Variants in GNPTAB observed in about 807,000 individuals in gnomAD.
GNPTAB encodes N-acetylglucosamine-1-phosphotransferase subunits alpha/beta.
Under a neutral mutation model 136.6 loss-of-function variants are expected in GNPTAB, and 92 were observed. That is an observed-to-expected ratio of 0.67 (90% confidence interval 0.57 to 0.80). The LOEUF (loss-of-function observed/expected upper bound fraction) is 0.80. Among genes scored for constraint, GNPTAB ranks in the 30% least tolerant of loss-of-function variants. The probability of loss-of-function intolerance (pLI) is 0.00; values close to 1 mark genes in which losing one functional copy is unlikely to be tolerated. For synonymous variants in GNPTAB, 512 were observed against 535.1 expected (o/e 0.96, Z 0.60); for missense variants, 1,343 against 1,501.8 (o/e 0.89, Z 1.75).
At chr12:101,785,435 GTCTTGAACTCC>G (rs1868580709) in intron 5 of GNPTAB, among the ~76,000 whole-genome samples, 1 of 152,118 alleles carries the variant, frequency 6.6e-6, no homozygotes. Context: ...GCCCAGGCTG[GTCTTGAACTCC>G]TTAGGCTCAA....
intron 1 of GNPTAB, among the ~76,000 whole-genome samples, chr12:101,821,922 C>T (rs571571897): frequency 3.9e-5 from 6 of 152,138 alleles, no homozygotes; most frequent in Non-Finnish European, 8.8e-5. Context: ...AGAAGGTCAC[C>T]CTGGGCCTAC....
At chr12:101,812,585 C>CCG (rs202110102) in intron 1 of GNPTAB, among the ~76,000 whole-genome samples, 1 of 151,876 alleles carries the variant, frequency 6.6e-6, no homozygotes, top group East Asian at 1.9e-4. Context: ...GTGAGAACCC[C>CCG]CCCATCTCTA....
chr12:101,808,964 C>T (rs1453221693), intron 1 of GNPTAB, among the ~76,000 whole-genome samples: 1 of 152,140 alleles, frequency 6.6e-6, no homozygotes, highest in Admixed American at 6.6e-5. Flanking sequence ...AACTTCTGCT[C>T]TGCTCTGGGA....
intron 1 of GNPTAB, among the ~76,000 whole-genome samples, chr12:101,826,908 T>C (rs942132458): frequency 1.3e-5 from 2 of 151,364 alleles, no homozygotes; most frequent in Non-Finnish European, 2.9e-5. Context: ...TGCATTTTTG[T>C]GACCACTAGT....
chr12:101,815,688 T>C (rs1024223905), intron 1 of GNPTAB, among the ~76,000 whole-genome samples: 1 of 150,634 alleles, frequency 6.6e-6, no homozygotes, highest in Admixed American at 6.6e-5. Flanking sequence ...TGTACAATTA[T>C]AAAAATCAAT....
chr12:101,800,907 C>T (rs1045139794), intron 1 of GNPTAB, among the ~76,000 whole-genome samples: 3 of 151,972 alleles, frequency 2.0e-5, no homozygotes, highest in Non-Finnish European at 2.9e-5. Context: ...TGCCTCTCTA[C>T]AAGACACGAT....
rs1185630419 is a variant in GNPTAB, at chr12:101,768,094, A to C, written c.1351T>G (p.Tyr451Asp). The C allele has an allele frequency of 1.2e-6, 2 of 1,614,096 alleles. No individual in the cohort carries two copies. The highest frequency in any genetic ancestry group is 1.7e-5 in the Admixed American group (1 of 60,024). Reference protein sequence around the residue: ...GCPGSWIKDGYCDKACNNSAC... With the variant: ...GCPGSWIKDGDCDKACNNSAC... ...GAATTATTACAAGCCTTGTCACAATAGCCATCCTTAATCCAGGAACCTGGG... is the reference window on the plus strand; with the variant it reads ...GAATTATTACAAGCCTTGTCACAATCGCCATCCTTAATCCAGGAACCTGGG... The change falls in exon 11 of 21, where the codon TAT (tyrosine) becomes GAT (aspartate). Residue 451 changes from tyrosine to aspartate, a missense_variant. Transcript: ENST00000299314.
At position 101,756,454 on chromosome 12, in the gene GNPTAB, G is replaced by A. The variant is rs190410068; in HGVS notation, c.3434+758C>T. On this transcript the variant is annotated intron_variant, in intron 18 of 20. Coordinates refer to ENST00000299314, the MANE Select transcript of GNPTAB (RefSeq NM_024312.5). The stretch of plus-strand genomic sequence containing the variant: ...GCTGGGTGCAGCAGCTCATGTCTGT[G>A]GTTCCACTAGTCAGGAGGCTGAGGT... 9.0e-5 allele frequency: 36 copies of A among 399,268 alleles called. No individual in the cohort carries two copies. The East Asian group carries it at 1.1e-3, about 13-fold the overall frequency. 24.7% of individuals were successfully genotyped at this position (399,268 alleles called of 1,614,324 possible).
At chr12:101,790,740 T>TAAA (rs59673928) in intron 2 of GNPTAB, among the ~76,000 whole-genome samples, 2 of 137,740 alleles carry the variant, frequency 1.5e-5, no homozygotes, top group East Asian at 4.1e-4. Flanking sequence ...GCCTTGTCTC[T>TAAA]AAAAAAAAAA....
chr12:101,773,488 G>C (rs540247572), intron 7 of GNPTAB: 1 of 171,388 alleles, frequency 5.8e-6, no homozygotes, highest in African/African-American at 2.4e-5. Flanking sequence ...CTGGCTTGGC[G>C]TAACCTCGAA....
In GNPTAB at chr12:101,753,459, T is replaced by C. The variant is rs149859473; in HGVS notation, c.3515A>G (p.Tyr1172Cys). 128 of 1,613,596 alleles carry C rather than the reference T, an allele frequency of 7.9e-5. No individual in the cohort carries two copies. The highest frequency in any genetic ancestry group is 9.2e-5 in the Non-Finnish European group (109 of 1,179,628). Reference protein sequence around the residue: ...QTVKAVLRDFYESMFPIPSQF... With the variant: ...QTVKAVLRDFCESMFPIPSQF... ...GGAAGGTATGGGGAACATGGATTCATAGAAGTCCCTGAGAACAGCCTTCAC... is the reference window on the plus strand; with the variant it reads ...GGAAGGTATGGGGAACATGGATTCACAGAAGTCCCTGAGAACAGCCTTCAC... The change falls in exon 19 of 21, where the codon TAT becomes TGT. Residue 1172 changes from tyrosine (Y) to cysteine (C), a missense_variant. Transcript: ENST00000299314.
At chr12:101,817,939 T>C (rs920899610) in intron 1 of GNPTAB, among the ~76,000 whole-genome samples, 22 of 152,328 alleles carry the variant, frequency 1.4e-4, no homozygotes, top group South Asian at 4.1e-4. Flanking sequence ...AAGCACAGAT[T>C]TTATTTCATC....
intron 1 of GNPTAB, among the ~76,000 whole-genome samples, chr12:101,798,137 G>A (rs1024575446): frequency 6.6e-6 from 1 of 152,120 alleles, no homozygotes; most frequent in Non-Finnish European, 1.5e-5. Context: ...CCCCCACATT[G>A]TCAAACTCAA....
intron 1 of GNPTAB, among the ~76,000 whole-genome samples, chr12:101,815,075 A>AT (rs1230527997): frequency 6.6e-6 from 1 of 152,124 alleles, no homozygotes; most frequent in Non-Finnish European, 1.5e-5. Context: ...ACTTATTTTT[A>AT]TTTTTTATTG....
intron 1 of GNPTAB, among the ~76,000 whole-genome samples, chr12:101,813,039 C>T (rs930823075): frequency 9.3e-5 from 14 of 149,818 alleles, no homozygotes; most frequent in African/African-American, 3.4e-4. Context: ...CACTATGTTG[C>T]CCAGGCTGGT....
intron 1 of GNPTAB, among the ~76,000 whole-genome samples, chr12:101,812,978 T>G (rs939296296): frequency 2.9e-5 from 4 of 139,144 alleles, no homozygotes; most frequent in Admixed American, 1.4e-4. Context: ...TAAGTGTTTT[T>G]TGTGTGTGTT....
At chr12:101,785,549 T>C (rs1162951807) in intron 5 of GNPTAB, 1 of 175,184 alleles carries the variant, frequency 5.7e-6, no homozygotes, top group African/African-American at 2.4e-5. Flanking sequence ...ACTAATCCCA[T>C]CAAAGGCTCC....
At chr12:101,777,713 A>T (rs941159039) in intron 7 of GNPTAB, among the ~76,000 whole-genome samples, 6 of 152,240 alleles carry the variant, frequency 3.9e-5, no homozygotes, top group African/African-American at 1.4e-4. Context: ...TTGGGAACGC[A>T]GTGATAGGAA....
intron 1 of GNPTAB, among the ~76,000 whole-genome samples, chr12:101,829,060 A>G (rs1871245119): frequency 6.6e-6 from 1 of 152,330 alleles, no homozygotes. Flanking sequence ...ACCTGTTGGC[A>G]CTGTCTGCCT....
Sources: allele counts gnomAD v4.1 joint callset (sites outside exome capture counted in the v4.1 genomes callset), GRCh38; gene constraint gnomAD v4.1.1; transcripts MANE v1.5; gene names NCBI Gene and HGNC (gene_info 2026-07-23, HGNC 2026-07-21).